Variants in PPP2R2A observed in about 807,000 individuals in gnomAD.
The protein encoded by PPP2R2A is protein phosphatase 2 regulatory subunit Balpha.
In PPP2R2A, 9 loss-of-function variants were observed where a neutral mutation model predicts 53.2. That is an observed-to-expected ratio of 0.17 (90% CI 0.10 to 0.30). The LOEUF is 0.30. PPP2R2A is among the 10% of genes least tolerant of loss of function. PPP2R2A has a pLI of 1.00. For synonymous variants in PPP2R2A, 169 were observed against 174.2 expected (o/e 0.97, Z 0.23); for missense variants, 235 against 534.6 (o/e 0.44, Z 5.53).
intron 2 of PPP2R2A, among the ~76,000 whole-genome samples, chr8:26,332,584 G>T (rs544539369): frequency 6.6e-6 from 1 of 152,020 alleles, no homozygotes; most frequent in South Asian, 2.1e-4. Context: ...AGCATTTACT[G>T]AATCCTTTAT....
intron 3 of PPP2R2A, among the ~76,000 whole-genome samples, chr8:26,343,110 G>A (rs188424035): frequency 6.6e-6 from 1 of 152,070 alleles, no homozygotes; most frequent in East Asian, 1.9e-4. Flanking sequence ...GGAGGCGGAG[G>A]TTGCAGTGAG....
intron 2 of PPP2R2A, among the ~76,000 whole-genome samples, chr8:26,313,180 C>T (rs926248923): frequency 3.3e-5 from 5 of 151,656 alleles, no homozygotes; most frequent in East Asian, 3.9e-4. Flanking sequence ...ACTACAGATG[C>T]GCGCCACCAT....
At position 26,333,066 on chromosome 8, in the gene PPP2R2A, A is replaced by G. The variant is rs12544725; in HGVS notation, c.83-5824A>G. On this transcript the variant is annotated intron_variant, in intron 2 of 9. Coordinates refer to ENST00000380737, the MANE Select transcript of PPP2R2A (RefSeq NM_002717.4). ...GAGAGAATAAATGCCCACTTAGCAC[A>G]ATGTTTGGCACATTTTGGTTGTAAC... Among the ~76,000 whole-genome samples, 578 of 152,364 alleles carry G rather than the reference A, an allele frequency of 3.8e-3. 12 individuals carry two copies. The highest frequency in any genetic ancestry group is 0.026 in the Admixed American group (402 of 15,302).
intron 6 of PPP2R2A, 21 bp downstream of exon 6, chr8:26,361,172 G>C (rs1448021012): frequency 6.4e-7 from 1 of 1,553,928 alleles, no homozygotes; most frequent in Admixed American, 2.1e-5. Flanking sequence ...GGTTTTCTTT[G>C]GTGTTTGGTG....
At chr8:26,330,130 A>G (rs1169822302) in intron 2 of PPP2R2A, among the ~76,000 whole-genome samples, 3 of 151,844 alleles carry the variant, frequency 2.0e-5, no homozygotes, top group African/African-American at 7.3e-5. Context: ...TCTTTGCTTT[A>G]TTTTGTTTTG....
intron 3 of PPP2R2A, among the ~76,000 whole-genome samples, chr8:26,351,160 A>G (rs1397964566): frequency 6.6e-6 from 1 of 152,132 alleles, no homozygotes; most frequent in East Asian, 1.9e-4. Context: ...TCTGTCCTGT[A>G]TAAGAAATAC....
chr8:26,338,073 T>C lies in PPP2R2A; in HGVS notation c.83-817T>C, dbSNP rs950552682. On this transcript the variant is annotated intron_variant, in intron 2 of 9. Transcript: ENST00000380737. The surrounding 1 kb of genome is among the most constrained non-coding windows in gnomAD (Gnocchi z 4.5). ...ATTTTAAATGCACATGATAGGGGCT[T>C]TTCTAATTCAGCTTAATGCTTTATA... Among the ~76,000 whole-genome samples, 1 of 152,234 alleles carries C rather than the reference T, an allele frequency of 6.6e-6. No individual in the cohort carries two copies. The highest frequency in any genetic ancestry group is 1.5e-5 in the Non-Finnish European group (1 of 68,038).
At chr8:26,358,592 G>A (rs931606730) in intron 4 of PPP2R2A, among the ~76,000 whole-genome samples, 2 of 152,174 alleles carry the variant, frequency 1.3e-5, no homozygotes, top group African/African-American at 4.8e-5. Flanking sequence ...GTACGATACA[G>A]AGACTGCCAG....
intron 2 of PPP2R2A, among the ~76,000 whole-genome samples, chr8:26,322,304 G>A (rs1802877791): frequency 1.3e-5 from 2 of 152,276 alleles, no homozygotes; most frequent in Non-Finnish European, 2.9e-5. Context: ...AAGGAACATA[G>A]CATTTGTTTT....
chr8:26,317,755 A>C (rs74445544), intron 2 of PPP2R2A, among the ~76,000 whole-genome samples: 2,382 of 152,322 alleles, frequency 0.016, 26 homozygotes, highest in Middle Eastern at 0.048. Context: ...CAGTGGTTCA[A>C]AAAATTAGCT....
At chr8:26,310,646 G>A (rs147101945) in intron 2 of PPP2R2A, among the ~76,000 whole-genome samples, 5 of 144,828 alleles carry the variant, frequency 3.5e-5, no homozygotes, top group African/African-American at 1.0e-4. Flanking sequence ...TTGCTGGGTC[G>A]AAAGGTGTGA....
intron 2 of PPP2R2A, among the ~76,000 whole-genome samples, chr8:26,305,580 A>G (rs1011110572): frequency 5.3e-5 from 8 of 152,196 alleles, no homozygotes; most frequent in African/African-American, 1.9e-4. Context: ...GTATCTGTTG[A>G]GTTCCCAGCA....
intron 2 of PPP2R2A, among the ~76,000 whole-genome samples, chr8:26,319,196 T>G (rs904087961): frequency 2.6e-4 from 39 of 152,218 alleles, no homozygotes; most frequent in African/African-American, 9.4e-4. Flanking sequence ...ACATTTTGTT[T>G]GTTCACTCAT....
At chr8:26,340,052 A>AT (rs1803864891) in intron 3 of PPP2R2A, 1 of 151,958 alleles carries the variant, frequency 6.6e-6, no homozygotes, top group Non-Finnish European at 1.5e-5. Context: ...GTCTTTTATT[A>AT]TTTTTTTCGT....
chr8:26,333,414 C>A, intron 2 of PPP2R2A: 1 of 637,526 alleles, frequency 1.6e-6, no homozygotes, highest in Non-Finnish European at 2.2e-6. Context: ...TTTCAAATAC[C>A]TTCAGCTGTA....
Position 26,292,076 on chromosome 8 carries a change from A to C in PPP2R2A, c.7+250A>C, listed in dbSNP as rs1170697779. ...GGGGTGGGGGTGGGGTGTGCCGGCG[A>C]GCTTGGGGTGAGGCGTGGGTGGGGC... On this transcript the variant is annotated intron_variant, in intron 1 of 9. Transcript: ENST00000380737. 5 of 914,230 alleles carry C rather than the reference A, an allele frequency of 5.5e-6. No individual in the cohort carries two copies. The Admixed American group carries it at 5.1e-4, about 92-fold the overall frequency. 56.6% of individuals were successfully genotyped at this position (914,230 alleles called of 1,614,324 possible).
At chr8:26,348,257 G>T (rs1000944237) in intron 3 of PPP2R2A, among the ~76,000 whole-genome samples, 1 of 152,020 alleles carries the variant, frequency 6.6e-6, no homozygotes, top group Non-Finnish European at 1.5e-5. Context: ...TTTCCACGGA[G>T]CAAAGTAAAT....
At chr8:26,314,062 C>G (rs1802421152) in intron 2 of PPP2R2A, among the ~76,000 whole-genome samples, 1 of 152,038 alleles carries the variant, frequency 6.6e-6, no homozygotes, top group South Asian at 2.1e-4. Flanking sequence ...TTTTAATCTC[C>G]CATCACTGTT....
chr8:26,369,960 A>C (rs1354251179), intron 9 of PPP2R2A, among the ~76,000 whole-genome samples, 174 bp from the exon 10 acceptor site: 1 of 152,242 alleles, frequency 6.6e-6, no homozygotes, highest in Non-Finnish European at 1.5e-5. Flanking sequence ...AACCCAGTTA[A>C]TTAGTACCGT....
Sources: allele counts gnomAD v4.1 joint callset (sites outside exome capture counted in the v4.1 genomes callset), GRCh38; gene constraint gnomAD v4.1.1; non-coding constraint Gnocchi (gnomAD v3.1); transcripts MANE v1.5; gene names NCBI Gene and HGNC (gene_info 2026-07-23, HGNC 2026-07-21).